The following NF1 variants were observed in gnomAD, a reference collection of about 807,000 sequenced individuals.
NF1 encodes neurofibromin 1.
Under a neutral mutation model 325.7 loss-of-function variants are expected in NF1, and 122 were observed. The ratio of observed to expected loss-of-function variants is 0.37; its 90% CI spans 0.32 to 0.44. NF1 has a LOEUF of 0.44. Among genes scored for constraint, NF1 ranks in the 20% least tolerant of loss-of-function variants. The pLI, the probability that NF1 is intolerant of heterozygous loss-of-function variation, is 1.00. For missense variants in NF1, 2,140 were observed against 3,415.4 expected (o/e 0.63, Z 9.31); for synonymous variants, 1,091 against 1,186.0 (o/e 0.92, Z 1.65).
intron 9 of NF1, 104 bp from the exon 10 acceptor site, chr17:31,200,933 T>C: frequency 6.6e-7 from 1 of 1,510,900 alleles, no homozygotes; most frequent in Non-Finnish European, 9.2e-7. Context: ...GCAGCTGGAT[T>C]TTACTGCCAT....
chr17:31,262,537 A>G (rs577124590), intron 35 of NF1, among the ~76,000 whole-genome samples: 9 of 152,326 alleles, frequency 5.9e-5, no homozygotes, highest in African/African-American at 2.2e-4. Context: ...CTATGTTCAT[A>G]GTATGTTCCA....
intron 5 of NF1, among the ~76,000 whole-genome samples, chr17:31,176,352 G>C (rs2066023107): frequency 6.6e-6 from 1 of 151,926 alleles, no homozygotes; most frequent in Non-Finnish European, 1.5e-5. Flanking sequence ...ACTTTTTAAT[G>C]GGGTTGTTTG....
At chr17:31,349,294 AT>A (rs1426398915) in intron 49 of NF1, 43 bp downstream of exon 49, 2 of 1,595,980 alleles carry the variant, frequency 1.3e-6, no homozygotes, top group African/African-American at 1.3e-5. Context: ...CTACATCTAT[AT>A]ATAAGGATCA....
intron 56 of NF1, chr17:31,359,893 T>G (rs2070360813): frequency 6.3e-6 from 1 of 159,198 alleles, no homozygotes; most frequent in Admixed American, 6.0e-5. Context: ...CCTTAAACAG[T>G]TCCTGGTGCA....
Position 31,144,994 on chromosome 17 carries a change from A to C in NF1, c.61-10989A>C, listed in dbSNP as rs939150020. Among the ~76,000 whole-genome samples the C allele has an allele frequency of 1.8e-4, 27 of 152,202 alleles. 1 individual carries two copies. The highest frequency in any genetic ancestry group is 1.5e-5 in the Non-Finnish European group (1 of 68,046). On this transcript the variant is annotated intron_variant, in intron 1 of 57. Coordinates refer to ENST00000358273, the MANE Select transcript of NF1 (RefSeq NM_001042492.3). ...ATTCAGAGTTCTTAAAATGGCCTAT[A>C]AGGCTTTTCATGATCTGACTCCTGC...
Position 31,325,933 on chromosome 17 carries a change from C to T in NF1, c.4949C>T (p.Pro1650Leu), listed in dbSNP as rs1597829723. 6.2e-7 allele frequency: 1 copy of T among 1,614,186 alleles called. No individual in the cohort carries two copies. ...EIVVDLTHTG[P>L]SNRFKTDFLS... ...GTAGTGGACCTTACCCATACCGGGC[C>T]TAGCAATCGCTTTAAAACAGACTTT... Residue 1650 changes from proline to leucine, a missense_variant, in exon 37 of 58, where the codon CCT (proline) becomes CTT (leucine). This residue lies in a region of NF1 where 103 missense variants were observed against 214.6 expected (regional missense o/e 0.48). Coordinates refer to ENST00000358273, the MANE Select transcript of NF1 (RefSeq NM_001042492.3).
intron 51 of NF1, among the ~76,000 whole-genome samples, chr17:31,355,539 AT>A (rs2070250345): frequency 6.6e-6 from 1 of 152,202 alleles, no homozygotes. Context: ...ATTGGCTTTA[AT>A]TCTGGCTTTA....
At chr17:31,181,332 G>A (rs2066127980) in intron 5 of NF1, 90 bp from the exon 6 acceptor site, 1 of 1,199,238 alleles carries the variant, frequency 8.3e-7, no homozygotes, top group Admixed American at 1.9e-5. Flanking sequence ...TGGAGCAAAA[G>A]TAATACGTAA....
intron 57 of NF1, among the ~76,000 whole-genome samples, chr17:31,371,444 A>G (rs2070635822): frequency 6.6e-6 from 1 of 152,228 alleles, no homozygotes; most frequent in Admixed American, 6.5e-5. Context: ...CTACACAAAC[A>G]TACATCCCAA....
chr17:31,121,512 T>C (rs1424348693), intron 1 of NF1, among the ~76,000 whole-genome samples: 2 of 151,122 alleles, frequency 1.3e-5, no homozygotes, highest in African/African-American at 2.4e-5. Flanking sequence ...GCCATTCTCC[T>C]GTCTCAGCCT....
At chr17:31,294,873 C>T (rs2068427557) in intron 36 of NF1, 4 of 1,140,744 alleles carry the variant, frequency 3.5e-6, no homozygotes, top group Middle Eastern at 2.0e-4. Context: ...ACTTCATTTA[C>T]ATCAGAGTTA....
chr17:31,276,684 G>A (rs186691195), intron 36 of NF1, among the ~76,000 whole-genome samples: 2 of 152,196 alleles, frequency 1.3e-5, no homozygotes, highest in East Asian at 3.9e-4. Flanking sequence ...ATTTTCTACT[G>A]GAGTGTTACA....
chr17:31,255,542 T>A (rs955169419), intron 31 of NF1, among the ~76,000 whole-genome samples: 8 of 152,210 alleles, frequency 5.3e-5, no homozygotes, highest in Non-Finnish European at 8.8e-5. Context: ...ATACATATAT[T>A]TATATGATAC....
Position 31,336,344 on chromosome 17 carries a change from G to A in NF1, c.6018G>A (p.Leu2006=), listed in dbSNP as rs1470567354. 3 of 1,613,946 alleles carry A rather than the reference G, an allele frequency of 1.9e-6. No homozygotes were observed. In the South Asian group the frequency reaches 3.3e-5, roughly 18 times the overall value. ...CCTTCTTCAACTAGATTACAGATCT[G>A]CTTGATGTTGTACTAGACAGTTTCA... ...IWGSLGQITD[L]LDVVLDSFIK... Residue 2006 remains leucine (L), a synonymous_variant, in exon 41 of 58, where the codon CTG becomes CTA. Coordinates refer to ENST00000358273, the MANE Select transcript of NF1 (RefSeq NM_001042492.3). The surrounding 1 kb of genome is among the most constrained non-coding windows in gnomAD (Gnocchi z 5.5).
chr17:31,343,179 G>A (rs2151565452), intron 48 of NF1, 44 bp downstream of exon 48: 1 of 1,505,264 alleles, frequency 6.6e-7, no homozygotes, highest in East Asian at 2.3e-5. Context: ...GTACTATTAA[G>A]AAACCAGAAG....
rs1039274643 is a variant in NF1 at position 31,374,405 on chromosome 17, T to A, written c.*250T>A. 2.6e-5 allele frequency: 14 copies of A among 528,960 alleles called. No homozygotes were observed. The Admixed American group carries it at 4.5e-4, about 17-fold the overall frequency. The allele number at this position is 528,960 out of a possible 1,614,324, so 32.8% of individuals were successfully genotyped here. ...GGTATATGTAAGTGTTCAGAACAAC[T>A]GCAAAGAAAGTGGGAGGTCAGGAAA... On this transcript the variant is annotated 3_prime_UTR_variant, in exon 58 of 58. Coordinates refer to ENST00000358273, the MANE Select transcript of NF1 (RefSeq NM_001042492.3).
chr17:31,210,843 C>T (rs140203785), intron 12 of NF1, among the ~76,000 whole-genome samples: 2 of 151,866 alleles, frequency 1.3e-5, no homozygotes, highest in Admixed American at 6.6e-5. Context: ...CTCTTTGGCC[C>T]TTTTTATATG....
intron 2 of NF1, among the ~76,000 whole-genome samples, chr17:31,158,403 T>G (rs1278845432): frequency 6.6e-6 from 1 of 152,180 alleles, no homozygotes; most frequent in African/African-American, 2.4e-5. Context: ...TTGCAGTGTG[T>G]GGGGCACAGT....
intron 1 of NF1, among the ~76,000 whole-genome samples, chr17:31,129,654 C>A (rs1214950570): frequency 6.6e-6 from 1 of 152,010 alleles, no homozygotes; most frequent in Non-Finnish European, 1.5e-5. Flanking sequence ...TGGTCTTGAA[C>A]CCCTGACCTC....
Sources: gnomAD v4.1 joint callset for allele counts (sites outside exome capture counted in the v4.1 genomes callset) on GRCh38, gnomAD v4.1.1 for gene constraint, gnomAD v4.1.1 regional missense constraint, Gnocchi (gnomAD v3.1) non-coding constraint, MANE v1.5 for transcripts, NCBI Gene and HGNC (gene_info 2026-07-23, HGNC 2026-07-21) for gene names.